DPP10: variants seen among roughly 807,000 people sequenced by gnomAD.
DPP10 encodes dipeptidyl peptidase like 10.
Under a neutral mutation model 120.9 loss-of-function variants are expected in DPP10, and 33 were observed. That is an observed-to-expected ratio of 0.27 (90% CI 0.21 to 0.37). The LOEUF is 0.37. DPP10 is among the 10% of genes least tolerant of loss of function. The pLI, the probability that DPP10 is intolerant of heterozygous loss-of-function variation, is 1.00. For missense variants in DPP10, 816 were observed against 942.8 expected, an observed-to-expected ratio of 0.87 and a Z score of 1.76; for synonymous variants, 337 against 326.1, an observed-to-expected ratio of 1.03 and a Z score of -0.36.
At chr2:115,497,441 G>C (rs1274042869) in intron 3 of DPP10, among the ~76,000 whole-genome samples, 1 of 152,074 alleles carries the variant, frequency 6.6e-6, no homozygotes, top group Non-Finnish European at 1.5e-5. Flanking sequence ...TCTTTGCAAA[G>C]ATGTTTTTGC....
intron 1 of DPP10, among the ~76,000 whole-genome samples, chr2:115,128,208 T>C (rs1317553779): frequency 6.6e-6 from 1 of 152,136 alleles, no homozygotes; most frequent in East Asian, 1.9e-4. Flanking sequence ...ATTTTTTTCA[T>C]TGTCCCTTAA....
intron 1 of DPP10, among the ~76,000 whole-genome samples, chr2:114,500,394 A>G (rs1683050686): frequency 6.6e-6 from 1 of 152,220 alleles, no homozygotes; most frequent in Admixed American, 6.5e-5. Flanking sequence ...CAAAATATCT[A>G]TGTCTCTGAC....
At chr2:115,419,177 A>G (rs901373049) in intron 3 of DPP10, among the ~76,000 whole-genome samples, 2 of 152,224 alleles carry the variant, frequency 1.3e-5, no homozygotes, top group Admixed American at 6.5e-5. Flanking sequence ...CCTACTAGAC[A>G]TCTAAGATAA....
intron 1 of DPP10, among the ~76,000 whole-genome samples, chr2:114,887,485 G>C (rs1692171249): frequency 6.6e-6 from 1 of 152,150 alleles, no homozygotes; most frequent in South Asian, 2.1e-4. Flanking sequence ...TAAAAGTGAG[G>C]TTAGTGTCTT....
intron 4 of DPP10, among the ~76,000 whole-genome samples, chr2:115,520,282 C>T (rs1168389372): frequency 6.6e-6 from 1 of 152,148 alleles, no homozygotes; most frequent in Admixed American, 6.5e-5. Context: ...AGCGCCATTG[C>T]ACTCCAGCCC....
At chr2:115,615,432 G>A (rs1174294775) in intron 5 of DPP10, among the ~76,000 whole-genome samples, 4 of 152,064 alleles carry the variant, frequency 2.6e-5, no homozygotes, top group South Asian at 2.1e-4. Flanking sequence ...CTAGAATGGC[G>A]GGATGTTATG....
intron 1 of DPP10, among the ~76,000 whole-genome samples, chr2:115,006,616 A>C (rs1244460229): frequency 2.5e-4 from 37 of 147,736 alleles, no homozygotes; most frequent in African/African-American, 3.9e-4. Flanking sequence ...CAAAAGAGAC[A>C]AAGAAGGCCA....
At chr2:115,634,541 G>A (rs1280672110) in intron 5 of DPP10, among the ~76,000 whole-genome samples, 1 of 152,146 alleles carries the variant, frequency 6.6e-6, no homozygotes, top group Non-Finnish European at 1.5e-5. Context: ...ACCTGGAAGT[G>A]TCACCAGTGG....
At chr2:114,731,358 C>T (rs1197317936) in intron 1 of DPP10, among the ~76,000 whole-genome samples, 1 of 152,084 alleles carries the variant, frequency 6.6e-6, no homozygotes, top group Non-Finnish European at 1.5e-5. Context: ...ACTTCTACTC[C>T]TGCTAATAAT....
intron 1 of DPP10, among the ~76,000 whole-genome samples, chr2:114,975,782 C>T (rs1699716136): frequency 6.6e-6 from 1 of 152,060 alleles, no homozygotes; most frequent in Non-Finnish European, 1.5e-5. Context: ...TCCTGTGTAG[C>T]TGGGATTATA....
chr2:115,597,195 C>G (rs1278591827), intron 5 of DPP10, among the ~76,000 whole-genome samples: 1 of 152,066 alleles, frequency 6.6e-6, no homozygotes, highest in African/African-American at 2.4e-5. Flanking sequence ...AGGACATTCC[C>G]TGGAGGCTGC....
At chr2:115,522,920 A>T (rs1386571352) in intron 4 of DPP10, among the ~76,000 whole-genome samples, 1 of 152,182 alleles carries the variant, frequency 6.6e-6, no homozygotes, top group Non-Finnish European at 1.5e-5. Flanking sequence ...GTTGACCAAG[A>T]TGTCTCCTGT....
intron 1 of DPP10, among the ~76,000 whole-genome samples, chr2:114,938,022 A>T (rs748929705): frequency 5.9e-5 from 9 of 152,230 alleles, no homozygotes; most frequent in Non-Finnish European, 1.3e-4. Context: ...TGTAAGTAAC[A>T]TATACACATT....
chr2:115,199,751 T>C lies in DPP10; in HGVS notation c.61-109488T>C, dbSNP rs577213958. On this transcript the variant is annotated intron_variant, in intron 1 of 25. Transcript: ENST00000410059. ...GATGATTTTAAAAAGATAGGCATTGTATTATGATTTGCTTTTTCTTCACTG... is the reference window on the plus strand; with the variant it reads ...GATGATTTTAAAAAGATAGGCATTGCATTATGATTTGCTTTTTCTTCACTG... 3.3e-5 allele frequency among the ~76,000 whole-genome samples: 5 copies of C among 152,338 alleles called. No homozygotes were observed. The East Asian group carries it at 7.7e-4, about 24-fold the overall frequency.
chr2:114,782,704 A>T (rs1202575533), intron 1 of DPP10, among the ~76,000 whole-genome samples: 1 of 152,138 alleles, frequency 6.6e-6, no homozygotes, highest in Non-Finnish European at 1.5e-5. Flanking sequence ...AAGTAAGTGG[A>T]TAGTGACTAT....
chr2:115,792,081 A>G (rs1488062916), intron 19 of DPP10, among the ~76,000 whole-genome samples: 1 of 152,180 alleles, frequency 6.6e-6, no homozygotes, highest in Non-Finnish European at 1.5e-5. Flanking sequence ...TGAAAATAAC[A>G]TTGCTTATTA....
At chr2:114,756,826 C>T (rs1679794762) in intron 1 of DPP10, among the ~76,000 whole-genome samples, 1 of 151,972 alleles carries the variant, frequency 6.6e-6, no homozygotes, top group African/African-American at 2.4e-5. Context: ...AGAACCAGTT[C>T]AAATATTACC....
At chr2:114,997,632 G>A (rs772689784) in intron 1 of DPP10, among the ~76,000 whole-genome samples, 7 of 152,080 alleles carry the variant, frequency 4.6e-5, no homozygotes, top group Non-Finnish European at 7.4e-5. Flanking sequence ...TTGCTGAAAC[G>A]GTGAATCAAA....
intron 3 of DPP10, among the ~76,000 whole-genome samples, chr2:115,375,973 T>C (rs753084869): frequency 2.6e-5 from 4 of 152,134 alleles, no homozygotes; most frequent in Non-Finnish European, 5.9e-5. Context: ...ATGTCACTAG[T>C]AGTGCTTGGT....
Sources: allele counts gnomAD v4.1 joint callset (sites outside exome capture counted in the v4.1 genomes callset), GRCh38; gene constraint gnomAD v4.1.1; transcripts MANE v1.5; gene names NCBI Gene and HGNC (gene_info 2026-07-23, HGNC 2026-07-21).